The following LMO7 variants were observed in gnomAD, a reference collection of about 807,000 sequenced individuals.
The protein encoded by LMO7 is LIM domain only protein 7.
A neutral mutation model predicts 206.5 loss-of-function variants in LMO7; 120 were observed. The observed-to-expected ratio is 0.58, with a 90% CI of 0.50 to 0.68. The LOEUF is 0.68. Ranked by LOEUF, LMO7 falls within the 30% of genes least tolerant of loss-of-function variation. The pLI is 0.00. For missense variants in LMO7, 1,959 were observed against 1,957.9 expected (o/e 1.00, Z -0.01); for synonymous variants, 706 against 681.5 (o/e 1.04, Z -0.56).
intron 1 of LMO7, chr13:75,688,992 A>G (rs539576116): frequency 2.0e-4 from 30 of 152,202 alleles, no homozygotes; most frequent in African/African-American, 7.0e-4. Flanking sequence ...AATTCTTGAA[A>G]TTTATTCTAC....
At chr13:75,823,082 A>T (rs1439670610) in intron 14 of LMO7, among the ~76,000 whole-genome samples, 2 of 152,084 alleles carry the variant, frequency 1.3e-5, no homozygotes, top group Non-Finnish European at 2.9e-5. Context: ...TAGATAGAAC[A>T]CCAAGACCTT....
intron 1 of LMO7, among the ~76,000 whole-genome samples, chr13:75,692,585 T>C (rs551486140): frequency 6.6e-6 from 1 of 152,180 alleles, no homozygotes; most frequent in East Asian, 1.9e-4. Context: ...AGGGTCTTTC[T>C]GTGTTGCCCA....
intron 1 of LMO7, among the ~76,000 whole-genome samples, chr13:75,694,860 C>G (rs1293027145): frequency 1.3e-5 from 2 of 152,202 alleles, no homozygotes; most frequent in East Asian, 3.9e-4. Flanking sequence ...CTTGAACGAA[C>G]AAAGTTTGAA....
At chr13:75,649,560 G>A (rs1384424492) in intron 1 of LMO7, among the ~76,000 whole-genome samples, 2 of 152,124 alleles carry the variant, frequency 1.3e-5, no homozygotes, top group Non-Finnish European at 2.9e-5. Flanking sequence ...GTATAGATTT[G>A]GAGTGTTGGT....
At chr13:75,669,356 A>G (rs752895862) in intron 1 of LMO7, among the ~76,000 whole-genome samples, 4 of 152,012 alleles carry the variant, frequency 2.6e-5, no homozygotes, top group Admixed American at 6.6e-5. Flanking sequence ...TCAAACTAAC[A>G]GTTCAGAAAA....
exon 1 of LMO7, chr13:75,621,640 G>T: frequency 9.2e-7 from 1 of 1,092,814 alleles, no homozygotes; most frequent in Non-Finnish European, 1.3e-6. Context: ...GTGCAAATAA[G>T]TTCAATATAT....
chr13:75,774,099 C>A (rs2050082995), intron 4 of LMO7, among the ~76,000 whole-genome samples: 1 of 151,946 alleles, frequency 6.6e-6, no homozygotes, highest in Non-Finnish European at 1.5e-5. Flanking sequence ...ATTGTGGTAT[C>A]ATTTACCTAT....
At chr13:75,719,011 C>T (rs1176790631) in intron 2 of LMO7, among the ~76,000 whole-genome samples, 1 of 149,568 alleles carries the variant, frequency 6.7e-6, no homozygotes, top group Non-Finnish European at 1.5e-5. Flanking sequence ...TGGAGTCTCA[C>T]TCTTGTCCCC....
chr13:75,733,402 G>C (rs2045470823), intron 3 of LMO7, among the ~76,000 whole-genome samples: 1 of 152,248 alleles, frequency 6.6e-6, no homozygotes, highest in African/African-American at 2.4e-5. Context: ...CAATCAGCAA[G>C]ACTCCGTGGG....
At chr13:75,778,706 A>G (rs572068847) in intron 4 of LMO7, among the ~76,000 whole-genome samples, 23 of 152,330 alleles carry the variant, frequency 1.5e-4, no homozygotes, top group Non-Finnish European at 3.1e-4. Flanking sequence ...GGGTAAGGCT[A>G]GAGGACTTAT....
At chr13:75,819,770 T>G (rs957414576) in intron 13 of LMO7, among the ~76,000 whole-genome samples, 5 of 152,246 alleles carry the variant, frequency 3.3e-5, no homozygotes, top group African/African-American at 1.2e-4. Context: ...TGTTCATTAT[T>G]TCTTCTTACA....
At position 75,729,824 on chromosome 13, in the gene LMO7, G is replaced by T. The variant is rs2044936913; in HGVS notation, c.210+2726G>T. Among the ~76,000 whole-genome samples, 5 of 150,492 alleles carry T rather than the reference G, an allele frequency of 3.3e-5. 1 individual carries two copies. In the South Asian group the frequency reaches 1.1e-3, roughly 32 times the overall value. Reference sequence around the variant, plus strand: ...CCCATCAATACCTAATTTATTGAGAGTTTTTAGCATGAAGGGTTGTTGAAT... The same window carrying T: ...CCCATCAATACCTAATTTATTGAGATTTTTTAGCATGAAGGGTTGTTGAAT... On this transcript the variant is annotated intron_variant, in intron 3 of 30. Transcript: ENST00000377534.
chr13:75,842,020 T>C, intron 24 of LMO7, 37 bp downstream of exon 24: 2 of 1,497,322 alleles, frequency 1.3e-6, no homozygotes, highest in Admixed American at 1.9e-5. Context: ...AAGGCTTAGC[T>C]GTATCCATTC....
At chr13:75,626,313 T>A (rs1288374553) in intron 2 of LMO7, among the ~76,000 whole-genome samples, 1 of 151,766 alleles carries the variant, frequency 6.6e-6, no homozygotes, top group African/African-American at 2.4e-5. Flanking sequence ...AGAATCATGG[T>A]GGGAGGTGAA....
chr13:75,723,090 A>C (rs2044161583), intron 2 of LMO7, among the ~76,000 whole-genome samples: 1 of 152,088 alleles, frequency 6.6e-6, no homozygotes, highest in Non-Finnish European at 1.5e-5. Context: ...TGATGAGTGC[A>C]CCAAAATCTT....
intron 3 of LMO7, chr13:75,760,506 A>C: frequency 1.6e-6 from 2 of 1,289,042 alleles, no homozygotes; most frequent in Non-Finnish European, 9.8e-7. Flanking sequence ...TTCCCTGCCA[A>C]CAGTTTCTGG....
chr13:75,770,334 T>G (rs1391744461), intron 4 of LMO7, among the ~76,000 whole-genome samples: 1 of 151,784 alleles, frequency 6.6e-6, no homozygotes, highest in Non-Finnish European at 1.5e-5. Flanking sequence ...GGGATGTGGG[T>G]GGGTGGTGTG....
chr13:75,647,951 C>CTTTTTTTTTTTTTTTTTTTT (rs570513211), intron 1 of LMO7, among the ~76,000 whole-genome samples: 2 of 91,148 alleles, frequency 2.2e-5, no homozygotes, highest in South Asian at 4.5e-4. Context: ...TCTTTTCTTT[C>CTTTTTTTTTTTTTTTTTTTT]TTTTTTTTTT....
At chr13:75,760,348 G>C (rs759295221) in intron 3 of LMO7, 1 of 1,000,750 alleles carries the variant, frequency 1.0e-6, no homozygotes, top group Non-Finnish European at 1.2e-6. Flanking sequence ...TTTAGCCAAT[G>C]AACACTAGGT....
Sources: gnomAD v4.1 joint callset for allele counts (sites outside exome capture counted in the v4.1 genomes callset) on GRCh38, gnomAD v4.1.1 for gene constraint, MANE v1.5 for transcripts, NCBI Gene and HGNC (gene_info 2026-07-23, HGNC 2026-07-21) for gene names.